PRPF8: variants seen among roughly 807,000 people sequenced by gnomAD.
The protein encoded by PRPF8 is pre-mRNA-processing-splicing factor 8.
In PRPF8, 64 loss-of-function variants were observed where a neutral mutation model predicts 285.9. That is an observed-to-expected ratio of 0.22 (90% CI 0.18 to 0.28). PRPF8 has a LOEUF of 0.28. Ranked by LOEUF, PRPF8 falls within the 10% of genes least tolerant of loss-of-function variation. PRPF8 has a pLI of 1.00. For synonymous variants in PRPF8, 1,325 were observed against 1,118.2 expected, an observed-to-expected ratio of 1.18 and a Z score of -3.69; for missense variants, 1,426 against 3,026.7, an observed-to-expected ratio of 0.47 and a Z score of 12.41.
chr17:1,662,213 C>G (rs941758800), intron 24 of PRPF8, 60 bp from the exon 25 acceptor site: 2 of 1,580,734 alleles, frequency 1.3e-6, no homozygotes, highest in African/African-American at 2.7e-5. Context: ...AGGGTGGAGA[C>G]TACTTGATGC....
chr17:1,665,159 C>CAAAAAAAAAA lies in PRPF8; in HGVS notation c.3775-3016_3775-3007dup, dbSNP rs562789942. On this transcript the variant is annotated intron_variant, in intron 24 of 42. Transcript: ENST00000304992. ...CGGGCGAAAATGTGAGACTCTGCCT[C>CAAAAAAAAAA]AAAAAAAAAAAAAAAAAAAAAGGGA... Among the ~76,000 whole-genome samples the CAAAAAAAAAA allele has an allele frequency of 8.6e-4, 46 of 53,512 alleles. 4 individuals are homozygous for CAAAAAAAAAA. Among genetic ancestry groups the CAAAAAAAAAA allele is most frequent in the African/African-American group, 2.7e-3 (45 of 16,408 alleles). 35.1% of individuals were successfully genotyped at this position (53,512 alleles called of 152,430 possible).
chr17:1,656,323 G>A (rs543610321), intron 36 of PRPF8, 69 bp downstream of exon 36: 1 of 1,596,414 alleles, frequency 6.3e-7, no homozygotes, highest in Non-Finnish European at 8.6e-7. Context: ...GCAAAAACCT[G>A]ACACAGGATC....
In PRPF8 at chr17:1,675,908, A is replaced by T; in HGVS notation, c.2679+20T>A. ...TACCTTTGGTAGAACCAAAAAGAAA[A>T]CTTGGGAGGCCTCACTCACCTCTTT... On this transcript the variant is annotated intron_variant, in intron 18 of 42. Transcript: ENST00000304992. The surrounding 1 kb of genome is among the most constrained non-coding windows in gnomAD (Gnocchi z 6.0). The T allele has an allele frequency of 6.2e-7, 1 of 1,613,988 alleles. No individual in the cohort carries two copies. Among genetic ancestry groups the T allele is most frequent in the Non-Finnish European group, 8.5e-7 (1 of 1,179,964 alleles).
Position 1,660,573 on chromosome 17 carries a change from A to G in PRPF8, c.4644T>C (p.Tyr1548=), listed in dbSNP as rs778783099. 1.2e-5 allele frequency: 20 copies of G among 1,614,092 alleles called. No individual in the cohort carries two copies. In the African/African-American group the frequency reaches 1.6e-4, roughly 13 times the overall value. The stretch of plus-strand genomic sequence containing the variant: ...GGTCTAGCTGCACCTGAAAGCCTAC[A>G]TATACCTGCCAGGAAAACGACAATG... ...WSPTINRANV[Y]VGFQVQLDLT... Residue 1548 remains tyrosine, a synonymous_variant, in exon 30 of 43, where the codon TAT becomes TAC. Transcript: ENST00000304992.
At chr17:1,677,835 A>C in intron 13 of PRPF8, 141 bp from the exon 14 acceptor site, 2 of 1,117,728 alleles carry the variant, frequency 1.8e-6, no homozygotes, top group Non-Finnish European at 2.6e-6. Flanking sequence ...AAAAAGAAAA[A>C]AAAACTCTGG....
Position 1,653,136 on chromosome 17 carries a change from C to G in PRPF8, c.6369+406G>C, listed in dbSNP as rs750345230. 2 of 331,250 alleles carry G rather than the reference C, an allele frequency of 6.0e-6. No homozygotes were observed. The highest frequency in any genetic ancestry group is 1.2e-5 in the Non-Finnish European group (2 of 170,826). 20.5% of individuals were successfully genotyped at this position (331,250 alleles called of 1,614,324 possible). A position where few individuals can be genotyped will look rare whatever the true frequency, so the allele number is the denominator to read the frequency against. On this transcript the variant is annotated intron_variant, in intron 39 of 42. Transcript: ENST00000304992. The surrounding 1 kb of genome is among the most constrained non-coding windows in gnomAD (Gnocchi z 4.9). ...TGTATTTTTAGTAGAGACAGGGTTTCACCATATTGGTCAGGCTGGTCTCAA... is the reference window on the plus strand; with the variant it reads ...TGTATTTTTAGTAGAGACAGGGTTTGACCATATTGGTCAGGCTGGTCTCAA...
chr17:1,658,168 A>G lies in PRPF8; in HGVS notation c.5505+85T>C. ...ATGAGATGTTCTCAGCCTTTCATCT[A>G]ATAAACCAGTAAATATTACCAAGTC... On this transcript the variant is annotated intron_variant, in intron 34 of 42. Transcript: ENST00000304992. The surrounding 1 kb of genome is among the most constrained non-coding windows in gnomAD (Gnocchi z 4.1). The G allele has an allele frequency of 2.5e-6, 4 of 1,592,220 alleles. No individual in the cohort carries two copies. The South Asian group carries it at 4.4e-5, about 18-fold the overall frequency.
chr17:1,681,717 C>G (rs1912938591), intron 5 of PRPF8, 27 bp from the exon 6 acceptor site: 7 of 1,612,448 alleles, frequency 4.3e-6, no homozygotes, highest in Non-Finnish European at 5.9e-6. Flanking sequence ...AGGCCCACCT[C>G]AAGTAAGCAG....
chr17:1,674,355 A>T, intron 21 of PRPF8, 87 bp downstream of exon 21: 2 of 1,335,328 alleles, frequency 1.5e-6, no homozygotes, highest in Non-Finnish European at 2.2e-6. Context: ...AACAGCAGTT[A>T]AGTCAACTCA....
At chr17:1,664,337 G>A (rs895306798) in intron 24 of PRPF8, among the ~76,000 whole-genome samples, 3 of 152,062 alleles carry the variant, frequency 2.0e-5, no homozygotes, top group African/African-American at 4.8e-5. Flanking sequence ...CTCAGTAATC[G>A]ATAGAAGTAT....
Position 1,650,876 on chromosome 17 carries a change from A to T in PRPF8, c.6934T>A (p.Ser2312Thr). 2 of 1,614,160 alleles carry T rather than the reference A, an allele frequency of 1.2e-6. No homozygotes were observed. Among genetic ancestry groups the T allele is most frequent in the Non-Finnish European group, 1.7e-6 (2 of 1,180,018 alleles). The change falls in exon 43 of 43, where the codon TCT becomes ACT. Residue 2312 changes from serine to threonine, a missense_variant. Transcript: ENST00000304992. ...AGGAGAGCAAAGTTGAGGAAGTGAG[A>T]GGGCCTGTGCACCTCGTGGTAGAAC... Reference protein sequence around the residue: ...KEFYHEVHRPSHFLNFALLQE... With the variant: ...KEFYHEVHRPTHFLNFALLQE...
chr17:1,656,568 A>G lies in PRPF8; in HGVS notation c.5620-3T>C. On this transcript the variant is annotated splice_polypyrimidine_tract_variant and splice_region_variant and intron_variant, in intron 35 of 42. Coordinates refer to ENST00000304992, the MANE Select transcript of PRPF8 (RefSeq NM_006445.4). ...TTGGGGAAGTCCAGTAAGTGCACCT[A>G]AGACAAGATCAAGTCCAAGATGAGA... 6.2e-7 allele frequency: 1 copy of G among 1,614,116 alleles called. No individual in the cohort carries two copies. Among genetic ancestry groups the G allele is most frequent in the East Asian group, 2.2e-5 (1 of 44,886 alleles).
rs780104486 is a variant in PRPF8, at chr17:1,674,488, T to C, written c.3253A>G (p.Ile1085Val). The C allele has an allele frequency of 1.2e-6, 2 of 1,614,012 alleles. No homozygotes were observed. Among genetic ancestry groups the C allele is most frequent in the Non-Finnish European group, 1.7e-6 (2 of 1,180,008 alleles). ...QDIATEAAHP[I>V]RLFCRYIDRI... Reference sequence around the variant, plus strand: ...TCAATGTATCTGCAGAAGAGACGGATGGGGTGGGCAGCCTCAGTGGCTATG... The same window carrying C: ...TCAATGTATCTGCAGAAGAGACGGACGGGGTGGGCAGCCTCAGTGGCTATG... The change falls in exon 21 of 43, where the codon ATC (isoleucine) becomes GTC (valine). Residue 1085 changes from isoleucine (I) to valine (V), a missense_variant. Ile to Val is a conservative substitution (Grantham distance 29). Transcript: ENST00000304992.
chr17:1,657,276 G>A (rs926843882), intron 34 of PRPF8, among the ~76,000 whole-genome samples: 1 of 152,208 alleles, frequency 6.6e-6, no homozygotes, highest in African/African-American at 2.4e-5. Context: ...TGAACGTCTA[G>A]GAAGCTAAAG....
At chr17:1,678,467 G>A (rs759927592) in intron 13 of PRPF8, 51 bp downstream of exon 13, 3 of 1,609,094 alleles carry the variant, frequency 1.9e-6, no homozygotes, top group African/African-American at 2.7e-5. Flanking sequence ...CAAGAGACAA[G>A]AGTAAGACTC....
intron 36 of PRPF8, 119 bp downstream of exon 36, chr17:1,656,273 A>T: frequency 7.7e-7 from 1 of 1,291,562 alleles, no homozygotes; most frequent in East Asian, 2.3e-5. Flanking sequence ...GAAAGTCAAC[A>T]GAGTTCCCAC....
chr17:1,663,912 T>C (rs1911812014), intron 24 of PRPF8, among the ~76,000 whole-genome samples: 1 of 152,092 alleles, frequency 6.6e-6, no homozygotes, highest in Non-Finnish European at 1.5e-5. Flanking sequence ...AGAGGGATAT[T>C]TGATACGATA....
Position 1,675,405 on chromosome 17 carries a change from A to G in PRPF8, c.2873-66T>C. On this transcript the variant is annotated intron_variant, in intron 19 of 42. Coordinates refer to ENST00000304992, the MANE Select transcript of PRPF8 (RefSeq NM_006445.4). The surrounding 1 kb of genome is among the most constrained non-coding windows in gnomAD (Gnocchi z 6.0). ...CTCTTGCAAGACTAGCCCCACAGGA[A>G]CTATCATTACCTTCCATAACCAATC... The G allele has an allele frequency of 1.3e-6, 2 of 1,566,572 alleles. No individual in the cohort carries two copies. Among genetic ancestry groups the G allele is most frequent in the South Asian group, 2.2e-5 (2 of 90,084 alleles).
At position 1,676,093 on chromosome 17, in the gene PRPF8, G is replaced by C. The variant is rs777266416; in HGVS notation, c.2553-39C>G. 14 of 1,612,272 alleles carry C rather than the reference G, an allele frequency of 8.7e-6. No homozygotes were observed. In the African/African-American group the frequency reaches 1.6e-4, roughly 18 times the overall value. ...TGGGAAGGGTGAATGGGAAAACTAG[G>C]AGGAAGTAAAACCAGGAAAGACTGG... On this transcript the variant is annotated intron_variant, in intron 17 of 42. Transcript: ENST00000304992. The surrounding 1 kb of genome is among the most constrained non-coding windows in gnomAD (Gnocchi z 6.3).
Sources: gnomAD v4.1 joint callset for allele counts (sites outside exome capture counted in the v4.1 genomes callset) on GRCh38, gnomAD v4.1.1 for gene constraint, Gnocchi (gnomAD v3.1) non-coding constraint, MANE v1.5 for transcripts, NCBI Gene and HGNC (gene_info 2026-07-23, HGNC 2026-07-21) for gene names.